GRM4: variants seen among roughly 807,000 people sequenced by gnomAD.
The protein encoded by GRM4 is metabotropic glutamate receptor 4.
GRM4 carries 28 observed loss-of-function variants against 81.7 expected under a neutral mutation model. That is an observed-to-expected ratio of 0.34 (90% CI 0.25 to 0.47). The LOEUF (loss-of-function observed/expected upper bound fraction) is 0.47. GRM4 is among the 20% of genes least tolerant of loss of function. The pLI is 1.00. For missense variants in GRM4, 948 were observed against 1,290.0 expected (o/e 0.73, Z 4.06); for synonymous variants, 488 against 528.8 (o/e 0.92, Z 1.06).
chr6:34,076,012 A>G (rs910734763), intron 3 of GRM4, among the ~76,000 whole-genome samples: 3 of 152,208 alleles, frequency 2.0e-5, no homozygotes, highest in African/African-American at 7.2e-5. Flanking sequence ...GGCATGGGGA[A>G]GATGACCTCG....
chr6:34,127,587 G>A lies in GRM4; in HGVS notation c.519+5391C>T, dbSNP rs185772875. ...ATCTGGGTTTTAGAAAGATCTCTCC[G>A]GCTGCTGAGTGAAGGTTTGGCTGTG... On this transcript the variant is annotated intron_variant, in intron 2 of 10. Transcript: ENST00000538487. Among the ~76,000 whole-genome samples, 165 of 152,292 alleles carry A rather than the reference G, an allele frequency of 1.1e-3. 3 individuals are homozygous for A. The highest frequency in any genetic ancestry group is 9.4e-3 in the Admixed American group (144 of 15,302).
At position 34,074,561 on chromosome 6, in the gene GRM4, G is replaced by A. The variant is rs1005111477; in HGVS notation, c.737-12533C>T. Among the ~76,000 whole-genome samples, 14 of 139,216 alleles carry A rather than the reference G, an allele frequency of 1.0e-4. No homozygotes were observed. Among genetic ancestry groups the A allele is most frequent in the African/African-American group, 3.3e-4 (11 of 32,882 alleles). The allele number at this position is 139,216 out of a possible 152,430, so 91.3% of individuals were successfully genotyped here. On this transcript the variant is annotated intron_variant, in intron 3 of 10. Transcript: ENST00000538487. This position sits in a 1 kb window ranked among gnomAD's most constrained non-coding sequence, Gnocchi z 4.9. ...CCAGGAGAGGAGGCTGCTGGGCGGC[G>A]CAGGCAGTGTGGCTCAGAGCTGAGC...
At chr6:34,139,264 T>G (rs983143399) in intron 1 of GRM4, among the ~76,000 whole-genome samples, 1 of 152,178 alleles carries the variant, frequency 6.6e-6, no homozygotes, top group African/African-American at 2.4e-5. Context: ...AACAGGGCCC[T>G]GATTCAGAGG....
rs560735100 is a variant in GRM4, at chr6:34,101,808, C to T, written c.520-9709G>A. On this transcript the variant is annotated intron_variant, in intron 2 of 10. Coordinates refer to ENST00000538487, the MANE Select transcript of GRM4 (RefSeq NM_000841.4). ...ATTATAGGCAAACCTGTCTCCCAGA[C>T]GAGATGAAATTGATTTAATTAGAAA... 1.9e-4 allele frequency among the ~76,000 whole-genome samples: 29 copies of T among 152,372 alleles called. No individual in the cohort carries two copies. The South Asian group carries it at 2.5e-3, about 13-fold the overall frequency.
rs949864138 is a variant in GRM4, at chr6:34,090,910, C to G, written c.736+973G>C. 1.3e-5 allele frequency among the ~76,000 whole-genome samples: 2 copies of G among 152,100 alleles called. No individual in the cohort carries two copies. The highest frequency in any genetic ancestry group is 2.4e-5 in the African/African-American group (1 of 41,394). ...GAGACCAGGGGCAGGGCAGACGGGC[C>G]CTCTCTGCAGGAGGTGGGTCTGCCA... On this transcript the variant is annotated intron_variant, in intron 3 of 10. Coordinates refer to ENST00000538487, the MANE Select transcript of GRM4 (RefSeq NM_000841.4). The surrounding 1 kb of genome is among the most constrained non-coding windows in gnomAD (Gnocchi z 5.2).
upstream of GRM4, among the ~76,000 whole-genome samples, chr6:34,148,439 C>T (rs1344279203): frequency 6.6e-6 from 1 of 151,752 alleles, no homozygotes; most frequent in African/African-American, 2.4e-5. Context: ...CACTGAGAGA[C>T]ACACACACAC....
At chr6:34,117,582 G>T (rs1420135304) in intron 2 of GRM4, among the ~76,000 whole-genome samples, 1 of 152,180 alleles carries the variant, frequency 6.6e-6, no homozygotes, top group African/African-American at 2.4e-5. Context: ...GAGCAAGCAT[G>T]AAGTGAAGCC....
rs1186295577 is a variant in GRM4 at position 34,068,487 on chromosome 6, T to C, written c.737-6459A>G. Among the ~76,000 whole-genome samples, 1 of 151,908 alleles carries C rather than the reference T, an allele frequency of 6.6e-6. No homozygotes were observed. The highest frequency in any genetic ancestry group is 2.4e-5 in the African/African-American group (1 of 41,322). On this transcript the variant is annotated intron_variant, in intron 3 of 10. Coordinates refer to ENST00000538487, the MANE Select transcript of GRM4 (RefSeq NM_000841.4). The surrounding 1 kb of genome is among the most constrained non-coding windows in gnomAD (Gnocchi z 4.2). Reference sequence around the variant, plus strand: ...TGAGCCCCCACTGTGCCTGGGATGCTCTCCTTGCAGCACTTCCCCATCCTC... The same window carrying C: ...TGAGCCCCCACTGTGCCTGGGATGCCCTCCTTGCAGCACTTCCCCATCCTC...
chr6:34,083,561 G>C (rs1767721569), intron 3 of GRM4, among the ~76,000 whole-genome samples: 1 of 152,194 alleles, frequency 6.6e-6, no homozygotes, highest in South Asian at 2.1e-4. Flanking sequence ...GGCAGCGGAA[G>C]GCAAGATGGG....
At chr6:34,051,925 G>C (rs1338585749) in intron 6 of GRM4, among the ~76,000 whole-genome samples, 3 of 152,200 alleles carry the variant, frequency 2.0e-5, no homozygotes, top group Non-Finnish European at 4.4e-5. Flanking sequence ...CCACGTGGCT[G>C]GGAAGTGGCA....
At chr6:34,053,429 C>G (rs1765706224) in intron 6 of GRM4, among the ~76,000 whole-genome samples, 1 of 152,248 alleles carries the variant, frequency 6.6e-6, no homozygotes, top group Non-Finnish European at 1.5e-5. Context: ...CAGCAGCCCC[C>G]TCACCCGCCC....
At position 34,033,697 on chromosome 6, in the gene GRM4, CTT is replaced by C. The variant is rs34501617; in HGVS notation, c.2442+1969_2442+1970del. On this transcript the variant is annotated intron_variant, in intron 9 of 10. Coordinates refer to ENST00000538487, the MANE Select transcript of GRM4 (RefSeq NM_000841.4). ...TCTTTCTCTTTCTCTCTCTCTCTCT[CTT>C]TCTCTTTCTTTCTCTCTCCCTCTCT... is the stretch of plus-strand genomic sequence containing the variant. Among the ~76,000 whole-genome samples the C allele has an allele frequency of 2.0e-3, 225 of 111,936 alleles. 3 individuals carry two copies. The highest frequency in any genetic ancestry group is 4.0e-4 in the East Asian group (1 of 2,528). 73.4% of individuals were successfully genotyped at this position (111,936 alleles called of 152,430 possible). A position where few individuals can be genotyped will look rare whatever the true frequency, so the allele number is the denominator to read the frequency against.
chr6:34,149,906 G>C (rs1219063529), upstream of GRM4, among the ~76,000 whole-genome samples: 3 of 152,196 alleles, frequency 2.0e-5, no homozygotes, highest in East Asian at 5.8e-4. Flanking sequence ...AACAAAACTT[G>C]CATCAAAGCT....
intron 10 of GRM4, among the ~76,000 whole-genome samples, chr6:34,025,410 A>G (rs891081662): frequency 3.3e-5 from 5 of 152,156 alleles, no homozygotes; most frequent in Non-Finnish European, 5.9e-5. Context: ...AGCAGCCACA[A>G]CAAAATCTCC....
rs1439703735 is a variant in GRM4 at position 34,091,999 on chromosome 6, T to C, written c.620A>G (p.Gln207Arg). 1.2e-6 allele frequency: 2 copies of C among 1,613,650 alleles called. No homozygotes were observed. Among genetic ancestry groups the C allele is most frequent in the Non-Finnish European group, 1.7e-6 (2 of 1,179,612 alleles). Residue 207 changes from glutamine to arginine, a missense_variant, in exon 3 of 11, where the codon CAG (glutamine) becomes CGG (arginine). Gln to Arg is a conservative substitution (Grantham distance 43). Transcript: ENST00000538487. ...GGCACGGACGATGTCCACCATGGCC[T>C]GGGCCTGGTACGTGTCCGAGGGCAC... The part of the protein sequence containing the change: ...RVVPSDTYQA[Q>R]AMVDIVRALK...
rs371898377 is a variant in GRM4, at chr6:34,133,190, C to T, written c.307G>A (p.Ala103Thr). 2.5e-5 allele frequency: 41 copies of T among 1,613,662 alleles called. No individual in the cohort carries two copies. The highest frequency in any genetic ancestry group is 2.5e-4 in the African/African-American group (19 of 74,940). The stretch of plus-strand genomic sequence containing the variant: ...CTGGAGCAGGTGTCCAGAATGCGGG[C>T]GCCCAGCGTGATGTTAGGCAGCAGG... ...PDLLPNITLGARILDTCSRDT... is the reference protein window; with the variant it reads ...PDLLPNITLGTRILDTCSRDT... The change falls in exon 2 of 11, where the codon GCC (alanine) becomes ACC (threonine). Residue 103 changes from alanine (A) to threonine (T), a missense_variant. Transcript: ENST00000538487. The surrounding 1 kb of genome is among the most constrained non-coding windows in gnomAD (Gnocchi z 6.5).
chr6:34,125,163 T>G (rs929976284), intron 2 of GRM4, among the ~76,000 whole-genome samples: 11 of 152,214 alleles, frequency 7.2e-5, no homozygotes, highest in African/African-American at 2.4e-4. Flanking sequence ...TTAGTAGAGA[T>G]AGGGTTTCAC....
At position 34,064,244 on chromosome 6, in the gene GRM4, A is replaced by C. The variant is rs1766335113; in HGVS notation, c.737-2216T>G. 6.6e-6 allele frequency among the ~76,000 whole-genome samples: 1 copy of C among 152,136 alleles called. No individual in the cohort carries two copies. Among genetic ancestry groups the C allele is most frequent in the Non-Finnish European group, 1.5e-5 (1 of 68,020 alleles). On this transcript the variant is annotated intron_variant, in intron 3 of 10. Transcript: ENST00000538487. The surrounding 1 kb of genome is among the most constrained non-coding windows in gnomAD (Gnocchi z 4.4). ...GCAGAGCTCCGTAATACTAATGAAC[A>C]TTTATGGAGTGTCCAATGCATGGGA...
chr6:34,112,479 G>A (rs1342187232), intron 2 of GRM4, among the ~76,000 whole-genome samples: 2 of 152,206 alleles, frequency 1.3e-5, no homozygotes, highest in African/African-American at 4.8e-5. Flanking sequence ...TGAGGTGGGA[G>A]AGAGGGAGGT....
Sources: gnomAD v4.1 joint callset for allele counts (sites outside exome capture counted in the v4.1 genomes callset) on GRCh38, gnomAD v4.1.1 for gene constraint, Gnocchi (gnomAD v3.1) non-coding constraint, MANE v1.5 for transcripts, NCBI Gene and HGNC (gene_info 2026-07-23, HGNC 2026-07-21) for gene names.